Variants in COL25A1 observed in about 807,000 individuals in gnomAD.
COL25A1 encodes collagen type XXV alpha 1 chain, also known as collagen alpha-1(XXV) chain.
Under a neutral mutation model 128.4 loss-of-function variants are expected in COL25A1, and 103 were observed. The observed-to-expected ratio is 0.80, with a 90% CI of 0.68 to 0.94. The LOEUF is 0.94. COL25A1 is among the 40% of genes least tolerant of loss of function. The pLI is 0.00. For missense variants in COL25A1, 745 were observed against 840.0 expected, an observed-to-expected ratio of 0.89 and a Z score of 1.40; for synonymous variants, 279 against 277.2, an observed-to-expected ratio of 1.01 and a Z score of -0.06.
intron 3 of COL25A1, among the ~76,000 whole-genome samples, chr4:109,093,637 T>G (rs995889332): frequency 1.3e-5 from 2 of 151,618 alleles, no homozygotes; most frequent in South Asian, 4.2e-4. Flanking sequence ...CAAGACCCTA[T>G]CTCTTAAAAG....
intron 3 of COL25A1, among the ~76,000 whole-genome samples, chr4:109,297,098 A>G (rs1300050055): frequency 6.6e-6 from 1 of 152,134 alleles, no homozygotes; most frequent in African/African-American, 2.4e-5. Flanking sequence ...TTCAATTTGT[A>G]TGGAAATTTT....
intron 9 of COL25A1, among the ~76,000 whole-genome samples, 163 bp downstream of exon 9, chr4:108,941,203 C>G (rs1425843604): frequency 6.6e-6 from 1 of 152,078 alleles, no homozygotes; most frequent in Non-Finnish European, 1.5e-5. Context: ...ACATTTCAAA[C>G]AAATGCAGCT....
intron 30 of COL25A1, 70 bp downstream of exon 30, chr4:108,844,449 T>A (rs1471871149): frequency 1.4e-5 from 23 of 1,613,180 alleles, no homozygotes; most frequent in Non-Finnish European, 1.6e-5. Flanking sequence ...TTTAGAGGGA[T>A]GTGTTCATGT....
At chr4:109,088,883 C>A (rs1179566707) in intron 3 of COL25A1, among the ~76,000 whole-genome samples, 1 of 152,202 alleles carries the variant, frequency 6.6e-6, no homozygotes, top group African/African-American at 2.4e-5. Context: ...CTCTTTCAAG[C>A]AGTTTCCTCT....
At chr4:108,874,345 A>C (rs1739169422) in intron 19 of COL25A1, among the ~76,000 whole-genome samples, 1 of 152,254 alleles carries the variant, frequency 6.6e-6, no homozygotes, top group Non-Finnish European at 1.5e-5. Flanking sequence ...GGAGAGTAGT[A>C]AATTGAAAAT....
chr4:109,167,158 A>C (rs941255109), intron 3 of COL25A1, among the ~76,000 whole-genome samples: 4 of 152,174 alleles, frequency 2.6e-5, no homozygotes, highest in African/African-American at 4.8e-5. Flanking sequence ...ATCCTATAGG[A>C]ATTTGTATAA....
intron 3 of COL25A1, among the ~76,000 whole-genome samples, chr4:109,163,939 A>T: frequency 6.6e-6 from 1 of 152,216 alleles, no homozygotes; most frequent in East Asian, 1.9e-4. Context: ...AATTGCTTCA[A>T]CACTTCTGCT....
At chr4:109,024,698 C>T in intron 5 of COL25A1, among the ~76,000 whole-genome samples, 1 of 152,200 alleles carries the variant, frequency 6.6e-6, no homozygotes, top group South Asian at 2.1e-4. Flanking sequence ...AACTTTTAAA[C>T]CCTTAATTAA....
At chr4:109,251,560 C>T (rs1013181393) in intron 3 of COL25A1, among the ~76,000 whole-genome samples, 2 of 152,220 alleles carry the variant, frequency 1.3e-5, no homozygotes, top group African/African-American at 4.8e-5. Flanking sequence ...ACTGCCAGCA[C>T]AGTAACTCCC....
chr4:108,993,288 C>G (rs1754408911), intron 6 of COL25A1, among the ~76,000 whole-genome samples: 1 of 152,158 alleles, frequency 6.6e-6, no homozygotes, highest in African/African-American at 2.4e-5. Flanking sequence ...AGGTATTTAT[C>G]TTTCTGTGCC....
intron 3 of COL25A1, among the ~76,000 whole-genome samples, chr4:109,096,596 G>A (rs1018169316): frequency 6.8e-6 from 1 of 146,752 alleles, no homozygotes; most frequent in Non-Finnish European, 1.5e-5. Flanking sequence ...ATTGCCTAAT[G>A]ATGTGTTTCT....
Position 108,846,124 on chromosome 4 carries a change from A to G in COL25A1, c.1515+15T>C, listed in dbSNP as rs768065341. On this transcript the variant is annotated intron_variant, in intron 28 of 37. Transcript: ENST00000399132. ...TAATATAAAAAGTATAAACAAACAG[A>G]AAGTATAAACATACCGGTAATCCAG... 1.3e-6 allele frequency: 2 copies of G among 1,543,324 alleles called. No homozygotes were observed. The highest frequency in any genetic ancestry group is 1.8e-6 in the Non-Finnish European group (2 of 1,117,030).
chr4:109,070,851 C>A (rs1365806479), intron 3 of COL25A1, among the ~76,000 whole-genome samples: 1 of 152,102 alleles, frequency 6.6e-6, no homozygotes, highest in African/African-American at 2.4e-5. Flanking sequence ...CACGTCCCAA[C>A]AAAGGACACG....
At chr4:108,942,528 C>A (rs1166447643) in intron 8 of COL25A1, among the ~76,000 whole-genome samples, 1 of 151,970 alleles carries the variant, frequency 6.6e-6, no homozygotes, top group African/African-American at 2.4e-5. Flanking sequence ...ACTGCAACCT[C>A]CACCTCCCAG....
chr4:109,067,417 T>C (rs751126318), intron 3 of COL25A1, among the ~76,000 whole-genome samples: 4 of 152,206 alleles, frequency 2.6e-5, no homozygotes, highest in Non-Finnish European at 5.9e-5. Context: ...GTGAAACTCT[T>C]TGATGTCTAA....
chr4:109,207,462 T>C (rs531788126), intron 3 of COL25A1, among the ~76,000 whole-genome samples: 1 of 152,306 alleles, frequency 6.6e-6, no homozygotes, highest in South Asian at 2.1e-4. Flanking sequence ...TCCTGATGGC[T>C]TGTCCCTGAG....
chr4:108,987,217 G>A (rs1216483645), intron 6 of COL25A1, among the ~76,000 whole-genome samples: 4 of 151,964 alleles, frequency 2.6e-5, no homozygotes, highest in African/African-American at 9.7e-5. Flanking sequence ...TCTCCACAAG[G>A]AGCCTCTCCT....
At chr4:109,082,924 C>T (rs996772960) in intron 3 of COL25A1, among the ~76,000 whole-genome samples, 1 of 151,972 alleles carries the variant, frequency 6.6e-6, no homozygotes, top group African/African-American at 2.4e-5. Context: ...CAAAATAATG[C>T]TCCTTTTTCC....
intron 3 of COL25A1, among the ~76,000 whole-genome samples, chr4:109,182,329 C>A (rs2704102): frequency 6.6e-6 from 1 of 151,762 alleles, no homozygotes; most frequent in African/African-American, 2.4e-5. Context: ...CCACCAACTC[C>A]GTACCATTTT....
Sources: allele counts gnomAD v4.1 joint callset (sites outside exome capture counted in the v4.1 genomes callset), GRCh38; gene constraint gnomAD v4.1.1; transcripts MANE v1.5; gene names NCBI Gene and HGNC (gene_info 2026-07-23, HGNC 2026-07-21).